ALK: variants seen among roughly 807,000 people sequenced by gnomAD.
ALK encodes the protein ALK receptor tyrosine kinase.
A neutral mutation model predicts 163.1 loss-of-function variants in ALK; 74 were observed. The ratio of observed to expected loss-of-function variants is 0.45; its 90% CI spans 0.38 to 0.55. ALK has a LOEUF of 0.55. Among genes scored for constraint, ALK ranks in the 20% least tolerant of loss-of-function variants. The pLI is 0.00. For synonymous variants in ALK, 960 were observed against 843.2 expected (o/e 1.14, Z -2.40); for missense variants, 2,063 against 2,105.3 (o/e 0.98, Z 0.39).
At chr2:29,899,472 T>A (rs1018269598) in intron 1 of ALK, 7 of 152,218 alleles carry the variant, frequency 4.6e-5, no homozygotes, top group African/African-American at 1.7e-4. Flanking sequence ...GAGCTTGTAA[T>A]GTTGCAGCTG....
intron 3 of ALK, among the ~76,000 whole-genome samples, chr2:29,626,139 C>T (rs1329894393): frequency 6.6e-6 from 1 of 152,044 alleles, no homozygotes; most frequent in Non-Finnish European, 1.5e-5. Flanking sequence ...AGACTGAAGC[C>T]CTATACCCTA....
At chr2:29,741,841 G>C (rs1169002084) in intron 1 of ALK, among the ~76,000 whole-genome samples, 2 of 152,212 alleles carry the variant, frequency 1.3e-5, no homozygotes, top group Non-Finnish European at 2.9e-5. Context: ...AGGGACCCTA[G>C]TGGGTAAAGG....
At chr2:29,266,558 C>T (rs1267070613) in intron 11 of ALK, among the ~76,000 whole-genome samples, 4 of 152,144 alleles carry the variant, frequency 2.6e-5, no homozygotes, top group Non-Finnish European at 5.9e-5. Context: ...CCTTTGAAAG[C>T]CTGATAGAAA....
chr2:29,250,390 G>A (rs917941427), intron 12 of ALK, among the ~76,000 whole-genome samples: 3 of 152,174 alleles, frequency 2.0e-5, no homozygotes, highest in South Asian at 2.1e-4. Context: ...AGACTTGATC[G>A]AGCTCAGAGG....
At chr2:29,306,872 C>T (rs1172911301) in intron 8 of ALK, among the ~76,000 whole-genome samples, 2 of 152,180 alleles carry the variant, frequency 1.3e-5, no homozygotes, top group Non-Finnish European at 2.9e-5. Flanking sequence ...TGAGTAGAGA[C>T]AACACCAGGA....
intron 1 of ALK, among the ~76,000 whole-genome samples, chr2:29,889,515 G>GGATAGATAGATA (rs769685640): frequency 2.1e-4 from 32 of 151,714 alleles, no homozygotes; most frequent in African/African-American, 7.0e-4. Flanking sequence ...ATGGATGGAT[G>GGATAGATAGATA]GATAGATAGA....
At chr2:29,826,818 T>G (rs1393661875) in intron 1 of ALK, among the ~76,000 whole-genome samples, 1 of 152,184 alleles carries the variant, frequency 6.6e-6, no homozygotes, top group African/African-American at 2.4e-5. Flanking sequence ...TTATTTGCCA[T>G]AAGGAACAAA....
intron 1 of ALK, among the ~76,000 whole-genome samples, chr2:29,888,729 C>A (rs1023118603): frequency 1.1e-4 from 16 of 152,232 alleles, no homozygotes; most frequent in African/African-American, 3.9e-4. Flanking sequence ...AAAAAGGAGT[C>A]CCTCTTACTA....
At chr2:29,515,759 G>T (rs1193337708) in intron 4 of ALK, among the ~76,000 whole-genome samples, 1 of 152,094 alleles carries the variant, frequency 6.6e-6, no homozygotes, top group African/African-American at 2.4e-5. Context: ...AGAAGCATAC[G>T]GTAAAATAGT....
rs576030047 is a variant in ALK, at chr2:29,742,308, G to A, written c.668-24611C>T. Among the ~76,000 whole-genome samples the A allele has an allele frequency of 7.9e-5, 12 of 152,338 alleles. No homozygotes were observed. In the East Asian group the frequency reaches 9.6e-4, roughly 12 times the overall value. ...TGCTTTTCCCACAGTAGGTATGGGCGAATGGTGCTAAGCCCTCTTCTGAAC... is the reference window on the plus strand; with the variant it reads ...TGCTTTTCCCACAGTAGGTATGGGCAAATGGTGCTAAGCCCTCTTCTGAAC... On this transcript the variant is annotated intron_variant, in intron 1 of 28. Transcript: ENST00000389048.
At chr2:29,643,062 G>C (rs958906525) in intron 3 of ALK, among the ~76,000 whole-genome samples, 1 of 152,070 alleles carries the variant, frequency 6.6e-6, no homozygotes, top group East Asian at 1.9e-4. Flanking sequence ...AGATTTAAAA[G>C]AGACAGAGAT....
chr2:29,500,850 G>A (rs1672156817), intron 4 of ALK, among the ~76,000 whole-genome samples: 1 of 152,120 alleles, frequency 6.6e-6, no homozygotes, highest in Admixed American at 6.5e-5. Flanking sequence ...CAGGGGCTCT[G>A]GTCTCAGCTG....
chr2:29,374,756 C>T (rs74328630), intron 5 of ALK, among the ~76,000 whole-genome samples: 307 of 152,282 alleles, frequency 2.0e-3, no homozygotes, highest in African/African-American at 6.9e-3. Flanking sequence ...TCATAATTTT[C>T]ATGCTTATCT....
chr2:29,544,183 T>C (rs1233883583), intron 3 of ALK, among the ~76,000 whole-genome samples: 1 of 152,208 alleles, frequency 6.6e-6, no homozygotes, highest in Non-Finnish European at 1.5e-5. Context: ...GTGTAATGCA[T>C]GCAGGCCTCA....
chr2:29,269,351 G>A (rs766146309), intron 11 of ALK, among the ~76,000 whole-genome samples: 17 of 152,186 alleles, frequency 1.1e-4, no homozygotes, highest in Non-Finnish European at 2.2e-4. Context: ...AGCCAACCCT[G>A]GTGTTCACTG....
chr2:29,902,895 T>C (rs1667453132), intron 1 of ALK, among the ~76,000 whole-genome samples: 1 of 152,244 alleles, frequency 6.6e-6, no homozygotes, highest in African/African-American at 2.4e-5. Flanking sequence ...GTATGTAGTA[T>C]AATGCTCACA....
At chr2:29,617,370 C>G (rs1675875016) in intron 3 of ALK, among the ~76,000 whole-genome samples, 1 of 152,178 alleles carries the variant, frequency 6.6e-6, no homozygotes. Context: ...ATCAGAGGAC[C>G]CTGAAATCAA....
intron 5 of ALK, among the ~76,000 whole-genome samples, chr2:29,361,803 A>G (rs1315856036): frequency 2.6e-5 from 4 of 152,132 alleles, no homozygotes; most frequent in Non-Finnish European, 5.9e-5. Flanking sequence ...TACAACCGCT[A>G]TCTGGTTGGA....
intron 1 of ALK, among the ~76,000 whole-genome samples, chr2:29,797,759 T>C (rs1023816192): frequency 1.3e-5 from 2 of 152,194 alleles, no homozygotes; most frequent in Non-Finnish European, 2.9e-5. Flanking sequence ...ATGCACAAAG[T>C]AGGTGCTAAA....
Sources: allele counts gnomAD v4.1 joint callset (sites outside exome capture counted in the v4.1 genomes callset), GRCh38; gene constraint gnomAD v4.1.1; transcripts MANE v1.5; gene names NCBI Gene and HGNC (gene_info 2026-07-23, HGNC 2026-07-21).